The following AUTS2 variants were observed in gnomAD, a reference collection of about 807,000 sequenced individuals.
AUTS2 encodes activator of transcription and developmental regulator AUTS2, also known as autism susceptibility gene 2 protein.
AUTS2 carries 17 observed loss-of-function variants against 112.4 expected under a neutral mutation model. The ratio of observed to expected loss-of-function variants is 0.15; its 90% CI spans 0.10 to 0.23. The LOEUF (loss-of-function observed/expected upper bound fraction) is 0.23, where lower values mean the gene tolerates loss of function less well. Among genes scored for constraint, AUTS2 ranks in the 10% least tolerant of loss-of-function variants. AUTS2 has a pLI of 1.00. For missense variants in AUTS2, 1,510 were observed against 1,701.6 expected (o/e 0.89, Z 1.98); for synonymous variants, 751 against 702.7 (o/e 1.07, Z -1.09).
Position 70,694,178 on chromosome 7 carries a change from A to G in AUTS2, c.691-4391A>G, listed in dbSNP as rs1808924402. On this transcript the variant is annotated intron_variant, in intron 5 of 18. Transcript: ENST00000342771. This position sits in a 1 kb window ranked among gnomAD's most constrained non-coding sequence, Gnocchi z 4.1. ...GCCAGGGAGCCCGCGGCGGCCGCCG[A>G]TGGAGTTCACTTGAGCTGTGAACCG... 1 of 150,194 alleles carries G rather than the reference A, an allele frequency of 6.7e-6. No homozygotes were observed. The highest frequency in any genetic ancestry group is 1.5e-5 in the Non-Finnish European group (1 of 67,404). The allele number at this position is 150,194 out of a possible 1,614,324, so 9.3% of individuals were successfully genotyped here. A position where few individuals can be genotyped will look rare whatever the true frequency, so the allele number is the denominator to read the frequency against.
At chr7:70,363,913 G>T (rs1001939518) in intron 4 of AUTS2, among the ~76,000 whole-genome samples, 3 of 152,146 alleles carry the variant, frequency 2.0e-5, no homozygotes, top group Non-Finnish European at 2.9e-5. Flanking sequence ...TTTATGCTAT[G>T]TTTTATTATT....
intron 5 of AUTS2, among the ~76,000 whole-genome samples, chr7:70,653,465 C>A (rs1046117027): frequency 6.6e-6 from 1 of 152,160 alleles, no homozygotes; most frequent in African/African-American, 2.4e-5. Context: ...TGGTTTGCCA[C>A]CATTACCAAT....
chr7:70,003,238 G>T (rs1386905789), intron 2 of AUTS2, among the ~76,000 whole-genome samples: 4 of 124,456 alleles, frequency 3.2e-5, no homozygotes, highest in Non-Finnish European at 6.3e-5. Flanking sequence ...TATTATATAT[G>T]AATATATTAT....
intron 2 of AUTS2, among the ~76,000 whole-genome samples, chr7:69,907,918 A>G (rs1027954345): frequency 5.3e-5 from 8 of 152,186 alleles, no homozygotes; most frequent in Non-Finnish European, 7.3e-5. Flanking sequence ...GTTGTTTGCT[A>G]AAGCATTAGT....
chr7:70,303,788 C>G (rs1202536173), intron 4 of AUTS2, among the ~76,000 whole-genome samples: 2 of 152,184 alleles, frequency 1.3e-5, no homozygotes, highest in Non-Finnish European at 2.9e-5. Flanking sequence ...ACACTCTTCT[C>G]TTCCTCACCC....
At chr7:70,533,123 G>GATTT (rs1800163848) in intron 5 of AUTS2, among the ~76,000 whole-genome samples, 1 of 152,102 alleles carries the variant, frequency 6.6e-6, no homozygotes, top group African/African-American at 2.4e-5. Context: ...GAACCGGCCT[G>GATTT]ATTTATTTAT....
intron 1 of AUTS2, among the ~76,000 whole-genome samples, chr7:69,665,951 A>G (rs1190238433): frequency 6.6e-6 from 1 of 152,186 alleles, no homozygotes; most frequent in Non-Finnish European, 1.5e-5. Context: ...CTCTTCAGAG[A>G]ACTGCCATCA....
intron 5 of AUTS2, among the ~76,000 whole-genome samples, chr7:70,475,260 A>G (rs1411817665): frequency 6.6e-6 from 1 of 152,228 alleles, no homozygotes; most frequent in Non-Finnish European, 1.5e-5. Flanking sequence ...GAACTGGTTT[A>G]GTAAAGATCT....
intron 1 of AUTS2, among the ~76,000 whole-genome samples, chr7:69,602,064 G>A (rs866785694): frequency 0.018 from 2,007 of 114,218 alleles, 63 homozygotes; most frequent in African/African-American, 0.06. Context: ...GTGTGTGTGT[G>A]TGTGTGTGTG....
At chr7:69,760,272 C>T (rs1303665661) in intron 1 of AUTS2, among the ~76,000 whole-genome samples, 2 of 147,516 alleles carry the variant, frequency 1.4e-5, no homozygotes, top group Non-Finnish European at 3.0e-5. Context: ...TGGCCTCAAG[C>T]GATCCTCCCA....
At chr7:70,341,411 A>G (rs1791258742) in intron 4 of AUTS2, among the ~76,000 whole-genome samples, 1 of 152,250 alleles carries the variant, frequency 6.6e-6, no homozygotes, top group Non-Finnish European at 1.5e-5. Context: ...AACTGTGAAA[A>G]ATCATGGGCG....
At chr7:70,206,904 AT>A (rs901171358) in intron 4 of AUTS2, among the ~76,000 whole-genome samples, 6 of 151,050 alleles carry the variant, frequency 4.0e-5, no homozygotes, top group Admixed American at 1.3e-4. Context: ...TTTTTTCCTT[AT>A]TTTTTTTTCC....
At chr7:70,568,259 G>T (rs1362800689) in intron 5 of AUTS2, among the ~76,000 whole-genome samples, 1 of 152,176 alleles carries the variant, frequency 6.6e-6, no homozygotes, top group Non-Finnish European at 1.5e-5. Flanking sequence ...CAGCCTGCCT[G>T]AATTTGAATC....
At chr7:69,854,772 C>T (rs1284561173) in intron 1 of AUTS2, among the ~76,000 whole-genome samples, 1 of 152,068 alleles carries the variant, frequency 6.6e-6, no homozygotes, top group Non-Finnish European at 1.5e-5. Context: ...GTGCGAGATG[C>T]TGGGGATATT....
At chr7:70,329,389 C>T (rs966453369) in intron 4 of AUTS2, among the ~76,000 whole-genome samples, 2 of 152,008 alleles carry the variant, frequency 1.3e-5, no homozygotes, top group South Asian at 4.2e-4. Context: ...TTTCAAGTTC[C>T]TACCAGCAAT....
intron 1 of AUTS2, 62 bp downstream of exon 1, chr7:69,600,024 G>C (rs1792292847): frequency 1.3e-6 from 2 of 1,555,368 alleles, no homozygotes; most frequent in African/African-American, 2.7e-5. Context: ...GCTGCGCCCG[G>C]CTCTCCTGCC....
intron 4 of AUTS2, among the ~76,000 whole-genome samples, chr7:70,296,523 T>C (rs1316653653): frequency 6.6e-6 from 1 of 152,222 alleles, no homozygotes; most frequent in Non-Finnish European, 1.5e-5. Context: ...CCTGCCTTTT[T>C]CCCTTCAACT....
intron 4 of AUTS2, among the ~76,000 whole-genome samples, chr7:70,214,875 G>A (rs956938557): frequency 1.3e-5 from 2 of 152,256 alleles, no homozygotes; most frequent in Non-Finnish European, 2.9e-5. Context: ...TACTTTTCTT[G>A]TAGCTTATTT....
intron 2 of AUTS2, among the ~76,000 whole-genome samples, chr7:69,981,264 C>T (rs553831065): frequency 5.3e-5 from 8 of 151,988 alleles, no homozygotes; most frequent in Non-Finnish European, 1.2e-4. Context: ...GTAAGTTTTA[C>T]AAAGGAAACG....
Sources: allele counts gnomAD v4.1 joint callset (sites outside exome capture counted in the v4.1 genomes callset), GRCh38; gene constraint gnomAD v4.1.1; non-coding constraint Gnocchi (gnomAD v3.1); transcripts MANE v1.5; gene names NCBI Gene and HGNC (gene_info 2026-07-23, HGNC 2026-07-21).